The following ADCY8 variants were observed in gnomAD, a reference collection of about 807,000 sequenced individuals.
The protein encoded by ADCY8 is adenylate cyclase 8.
Under a neutral mutation model 119.7 loss-of-function variants are expected in ADCY8, and 51 were observed. The observed-to-expected ratio is 0.43, with a 90% CI of 0.34 to 0.54. The LOEUF is 0.54. Ranked by LOEUF, ADCY8 falls within the 20% of genes least tolerant of loss-of-function variation. The probability of loss-of-function intolerance (pLI) is 0.03; values close to 1 mark genes in which losing one functional copy is unlikely to be tolerated. For missense variants in ADCY8, 1,383 were observed against 1,598.8 expected, an observed-to-expected ratio of 0.87 and a Z score of 2.30; for synonymous variants, 665 against 651.0, an observed-to-expected ratio of 1.02 and a Z score of -0.33.
intron 7 of ADCY8, among the ~76,000 whole-genome samples, chr8:130,895,290 G>A (rs933679298): frequency 5.9e-5 from 9 of 152,128 alleles, no homozygotes; most frequent in Admixed American, 2.6e-4. Context: ...AGTCCAATTC[G>A]TTTGTGTAGA....
intron 13 of ADCY8, among the ~76,000 whole-genome samples, chr8:130,815,672 A>G (rs1262294127): frequency 2.0e-5 from 3 of 152,220 alleles, no homozygotes; most frequent in African/African-American, 7.2e-5. Context: ...TATAGAATAA[A>G]TGAATGAACT....
chr8:130,922,416 C>G (rs951199933), intron 5 of ADCY8, among the ~76,000 whole-genome samples: 1 of 151,770 alleles, frequency 6.6e-6, no homozygotes, highest in Non-Finnish European at 1.5e-5. Flanking sequence ...TGACTCTTAA[C>G]GAGCATGCTG....
chr8:130,923,889 G>T (rs1820385753), intron 5 of ADCY8, among the ~76,000 whole-genome samples: 1 of 152,166 alleles, frequency 6.6e-6, no homozygotes, highest in South Asian at 2.1e-4. Flanking sequence ...AATTTACTAT[G>T]AGGCTGTTTT....
chr8:130,975,722 G>C (rs968080001), intron 2 of ADCY8, among the ~76,000 whole-genome samples: 1 of 152,166 alleles, frequency 6.6e-6, no homozygotes, highest in Non-Finnish European at 1.5e-5. Flanking sequence ...TGCAAAGCTG[G>C]TGTTCCAAAC....
intron 8 of ADCY8, among the ~76,000 whole-genome samples, chr8:130,872,417 C>T (rs904080293): frequency 1.3e-5 from 2 of 152,162 alleles, no homozygotes; most frequent in East Asian, 1.9e-4. Context: ...TGCAGGGACT[C>T]ACTGGCTACT....
At chr8:130,822,257 G>T (rs3793391) in intron 12 of ADCY8, among the ~76,000 whole-genome samples, 3 of 152,022 alleles carry the variant, frequency 2.0e-5, no homozygotes, top group Non-Finnish European at 4.4e-5. Flanking sequence ...AAAAGATAAG[G>T]CTTCACAAGG....
At chr8:130,873,305 C>G (rs186050075) in intron 8 of ADCY8, among the ~76,000 whole-genome samples, 24 of 152,154 alleles carry the variant, frequency 1.6e-4, no homozygotes, top group African/African-American at 5.5e-4. Context: ...ATTGCCTAAA[C>G]TGTAACTGTA....
intron 5 of ADCY8, among the ~76,000 whole-genome samples, chr8:130,916,508 C>A (rs146462983): frequency 6.6e-6 from 1 of 152,202 alleles, no homozygotes; most frequent in Non-Finnish European, 1.5e-5. Context: ...GTGTTGGGAG[C>A]AAGCCCCTCA....
chr8:130,995,074 G>T (rs571261941), intron 1 of ADCY8, among the ~76,000 whole-genome samples: 2 of 152,206 alleles, frequency 1.3e-5, no homozygotes, highest in South Asian at 4.2e-4. Flanking sequence ...ATACCTAGTT[G>T]GTGAAATGTG....
intron 12 of ADCY8, among the ~76,000 whole-genome samples, chr8:130,830,270 G>A (rs1399438136): frequency 3.9e-5 from 6 of 152,188 alleles, no homozygotes; most frequent in African/African-American, 1.2e-4. Context: ...CAAAATGGTG[G>A]CTCCATCTTC....
intron 1 of ADCY8, among the ~76,000 whole-genome samples, chr8:131,006,980 A>G (rs1174720805): frequency 2.6e-5 from 4 of 152,208 alleles, no homozygotes; most frequent in Non-Finnish European, 5.9e-5. Flanking sequence ...TATACCAAAG[A>G]AGAGAGGAAA....
intron 7 of ADCY8, among the ~76,000 whole-genome samples, chr8:130,898,251 AC>A (rs1819473681): frequency 7.5e-6 from 1 of 132,536 alleles, no homozygotes; most frequent in Admixed American, 7.6e-5. Flanking sequence ...CATCACACTT[AC>A]CCTGTAAGGT....
chr8:130,878,696 G>A (rs72714414), intron 8 of ADCY8, among the ~76,000 whole-genome samples: 11,977 of 152,262 alleles, frequency 0.079, 512 homozygotes, highest in Non-Finnish European at 0.1. Context: ...ATCCCCAGAT[G>A]ATTCTTAAGT....
rs56726941 is a variant in ADCY8, at chr8:130,846,888, T to TTCCCTTCC, written c.2502+535_2502+536insGGAAGGGA. Among the ~76,000 whole-genome samples the TTCCCTTCC allele has an allele frequency of 4.5e-4, 9 of 19,854 alleles. 2 individuals carry two copies. Among genetic ancestry groups the TTCCCTTCC allele is most frequent in the African/African-American group, 1.7e-3 (7 of 4,080 alleles). The allele number at this position is 19,854 out of a possible 152,430, so 13.0% of individuals were successfully genotyped here. ...CTCCCTTCCCTTCCCTTCCCTTCCC[T>TTCCCTTCC]TTCCTTCCTTCCTTCCTTCCTTCCT... is the stretch of plus-strand genomic sequence containing the variant. On this transcript the variant is annotated intron_variant, in intron 11 of 17. Transcript: ENST00000286355.
chr8:131,015,933 C>T (rs903546518), intron 1 of ADCY8, among the ~76,000 whole-genome samples: 3 of 152,110 alleles, frequency 2.0e-5, no homozygotes, highest in Admixed American at 6.5e-5. Context: ...CTAAGAATGA[C>T]AGCAAACATC....
At chr8:130,800,597 C>T (rs767483665) in intron 14 of ADCY8, 25 bp from the exon 15 acceptor site, 5 of 1,612,382 alleles carry the variant, frequency 3.1e-6, no homozygotes, top group African/African-American at 1.3e-5. Context: ...ACAGAGGGCA[C>T]CAGAAATGGT....
chr8:130,885,765 G>GC (rs1284509934), intron 7 of ADCY8, among the ~76,000 whole-genome samples: 2 of 152,180 alleles, frequency 1.3e-5, no homozygotes, highest in African/African-American at 4.8e-5. Flanking sequence ...AGGATGCCAC[G>GC]CATCTGTAGA....
rs1366042810 is a variant in ADCY8 at position 131,039,821 on chromosome 8, C to A, written c.513G>T (p.Gln171His). The change falls in exon 1 of 18, where the codon CAG becomes CAT. Residue 171 changes from glutamine (Q) to histidine (H), a missense_variant. By Grantham distance (24) the Gln-to-His change is conservative (BLOSUM62 0). This residue lies in a region of ADCY8 where 455 missense variants were observed against 435.3 expected (regional missense o/e 1.05). Coordinates refer to ENST00000286355, the MANE Select transcript of ADCY8 (RefSeq NM_001115.3). ...TGCGCCTTTGGCCCAAGAAATAGCG[C>A]TGGTAGAGGCGTTCCAAATCCCGAG... ...FKSRDLERLYQRYFLGQRRKS... is the reference protein window; with the variant it reads ...FKSRDLERLYHRYFLGQRRKS... The A allele has an allele frequency of 6.2e-7, 1 of 1,614,226 alleles. No individual in the cohort carries two copies. Among genetic ancestry groups the A allele is most frequent in the East Asian group, 2.2e-5 (1 of 44,872 alleles).
At chr8:130,928,557 T>C (rs1451971122) in intron 5 of ADCY8, among the ~76,000 whole-genome samples, 1 of 152,254 alleles carries the variant, frequency 6.6e-6, no homozygotes, top group East Asian at 1.9e-4. Context: ...TATTCTGTCA[T>C]TGTGATGTAT....
Sources: allele counts gnomAD v4.1 joint callset (sites outside exome capture counted in the v4.1 genomes callset), GRCh38; gene constraint gnomAD v4.1.1; regional missense constraint gnomAD v4.1.1; transcripts MANE v1.5; gene names NCBI Gene and HGNC (gene_info 2026-07-23, HGNC 2026-07-21).